DCC: variants seen among roughly 807,000 people sequenced by gnomAD.
The protein encoded by DCC is netrin receptor DCC.
In DCC, 58 loss-of-function variants were observed where a neutral mutation model predicts 172.5. That is an observed-to-expected ratio of 0.34 (90% CI 0.27 to 0.42). The LOEUF (loss-of-function observed/expected upper bound fraction) is 0.42. Among genes scored for constraint, DCC ranks in the 10% least tolerant of loss-of-function variants. DCC has a pLI of 1.00. For synonymous variants in DCC, 709 were observed against 644.5 expected (o/e 1.10, Z -1.52); for missense variants, 1,740 against 1,791.0 (o/e 0.97, Z 0.51).
intron 8 of DCC, among the ~76,000 whole-genome samples, chr18:53,158,765 G>A (rs2054787961): frequency 6.6e-6 from 1 of 151,956 alleles, no homozygotes; most frequent in South Asian, 2.1e-4. Context: ...GCTAAGTCAG[G>A]TGGCTCACCT....
intron 2 of DCC, among the ~76,000 whole-genome samples, chr18:52,841,331 A>G (rs1390879784): frequency 1.3e-5 from 2 of 151,930 alleles, no homozygotes; most frequent in African/African-American, 2.4e-5. Context: ...AGTGCATTGT[A>G]GGAGAGTAAG....
At chr18:52,880,245 T>C (rs1481520079) in intron 2 of DCC, among the ~76,000 whole-genome samples, 1 of 152,152 alleles carries the variant, frequency 6.6e-6, no homozygotes, top group African/African-American at 2.4e-5. Context: ...CAAGCAATTC[T>C]TGTGTCTCAG....
chr18:53,412,876 G>A (rs1317372735), intron 20 of DCC, among the ~76,000 whole-genome samples: 1 of 152,094 alleles, frequency 6.6e-6, no homozygotes, highest in East Asian at 1.9e-4. Flanking sequence ...TTATCTTACT[G>A]TAAACTTATG....
intron 23 of DCC, 66 bp from the exon 24 acceptor site, chr18:53,459,166 T>G (rs2145165673): frequency 1.6e-6 from 2 of 1,254,748 alleles, no homozygotes; most frequent in East Asian, 4.6e-5. Context: ...TTGAATTGAC[T>G]GATGAAAGAA....
chr18:53,199,073 C>CT (rs2055494690), intron 9 of DCC, among the ~76,000 whole-genome samples: 1 of 135,326 alleles, frequency 7.4e-6, no homozygotes. Context: ...AATTTTTTTT[C>CT]TTTTTCTTTT....
At chr18:52,859,561 T>C in intron 2 of DCC, among the ~76,000 whole-genome samples, 1 of 152,166 alleles carries the variant, frequency 6.6e-6, no homozygotes, top group East Asian at 1.9e-4. Context: ...CAAAAGGTCT[T>C]GTTTTGCAGA....
intron 2 of DCC, among the ~76,000 whole-genome samples, chr18:52,898,421 A>G (rs1453445304): frequency 6.6e-6 from 1 of 152,186 alleles, no homozygotes; most frequent in Non-Finnish European, 1.5e-5. Context: ...AAGTCTTGGC[A>G]TAAACCTGGA....
intron 7 of DCC, among the ~76,000 whole-genome samples, chr18:53,083,536 T>A (rs185494943): frequency 1.1e-3 from 166 of 152,300 alleles, no homozygotes; most frequent in African/African-American, 3.6e-3. Context: ...CTGAAAAATA[T>A]TACTGAGTCA....
chr18:52,351,502 C>T (rs537377409), intron 1 of DCC, among the ~76,000 whole-genome samples: 14 of 152,086 alleles, frequency 9.2e-5, no homozygotes, highest in South Asian at 8.3e-4. Flanking sequence ...TGAGGTGTTA[C>T]GGACATATGT....
At position 52,379,247 on chromosome 18, in the gene DCC, G is replaced by GTTT. The variant is rs61660264; in HGVS notation, c.91+38377_91+38379dup. Among the ~76,000 whole-genome samples the GTTT allele has an allele frequency of 3.4e-3, 499 of 148,928 alleles. 1 individual carries two copies. The highest frequency in any genetic ancestry group is 6.9e-3 in the Middle Eastern group (2 of 290). On this transcript the variant is annotated intron_variant, in intron 1 of 28. Transcript: ENST00000442544. Reference sequence around the variant, plus strand: ...GATGACCTTGCTACAAAAGCATAATGTTTTTTTTTTCAAAAACAGATTGGA... The same window carrying GTTT: ...GATGACCTTGCTACAAAAGCATAATGTTTTTTTTTTTTTCAAAAACAGATTGGA...
chr18:53,219,564 T>C (rs2055900466), intron 12 of DCC, among the ~76,000 whole-genome samples: 3 of 152,254 alleles, frequency 2.0e-5, no homozygotes, highest in Non-Finnish European at 4.4e-5. Flanking sequence ...CACACCTCTC[T>C]GCTGTTGAAA....
intron 1 of DCC, among the ~76,000 whole-genome samples, chr18:52,454,177 A>T (rs145687838): frequency 1.3e-5 from 2 of 152,104 alleles, no homozygotes; most frequent in Admixed American, 6.5e-5. Flanking sequence ...TTTTGCTATA[A>T]TTTTTTTACA....
chr18:53,485,050 A>G (rs2045885438), intron 25 of DCC, among the ~76,000 whole-genome samples: 1 of 152,102 alleles, frequency 6.6e-6, no homozygotes, highest in Admixed American at 6.5e-5. Flanking sequence ...ATGTGAGATG[A>G]ACAAGTCTAG....
intron 1 of DCC, among the ~76,000 whole-genome samples, chr18:52,342,325 C>G (rs1195212749): frequency 6.6e-6 from 1 of 151,970 alleles, no homozygotes; most frequent in Non-Finnish European, 1.5e-5. Flanking sequence ...CTGTGATGAG[C>G]GCGTACCCGC....
chr18:53,055,376 T>G (rs2042390253), intron 5 of DCC, among the ~76,000 whole-genome samples: 1 of 152,118 alleles, frequency 6.6e-6, no homozygotes, highest in South Asian at 2.1e-4. Context: ...TTAATACATA[T>G]TCCAGAAATT....
At chr18:53,430,344 T>G (rs1285038471) in intron 21 of DCC, among the ~76,000 whole-genome samples, 1 of 152,142 alleles carries the variant, frequency 6.6e-6, no homozygotes, top group Non-Finnish European at 1.5e-5. Flanking sequence ...TGACCCTCTC[T>G]TATGCCCATT....
At chr18:52,554,223 G>T (rs56321949) in intron 1 of DCC, among the ~76,000 whole-genome samples, 3,052 of 152,080 alleles carry the variant, frequency 0.02, 108 homozygotes, top group East Asian at 0.095. Context: ...ATAACTAGTG[G>T]GTTAGTAATA....
chr18:53,052,027 A>C (rs1019187538), intron 5 of DCC, among the ~76,000 whole-genome samples: 26 of 151,866 alleles, frequency 1.7e-4, no homozygotes, highest in Non-Finnish European at 3.5e-4. Context: ...AGCCCTAATT[A>C]CTTTAATTCC....
intron 1 of DCC, among the ~76,000 whole-genome samples, chr18:52,568,529 G>A (rs2033217926): frequency 6.6e-6 from 1 of 152,150 alleles, no homozygotes; most frequent in Admixed American, 6.5e-5. Context: ...AGCATGCAGT[G>A]TGTGCTTCAT....
Sources: gnomAD v4.1 joint callset for allele counts (sites outside exome capture counted in the v4.1 genomes callset) on GRCh38, gnomAD v4.1.1 for gene constraint, MANE v1.5 for transcripts, NCBI Gene and HGNC (gene_info 2026-07-23, HGNC 2026-07-21) for gene names.